SFMBT2: variants seen among roughly 807,000 people sequenced by gnomAD.
SFMBT2 encodes the protein Scm like with four mbt domains 2, also known as scm-like with four MBT domains protein 2.
Under a neutral mutation model 110.1 loss-of-function variants are expected in SFMBT2, and 38 were observed. The observed-to-expected ratio is 0.35, with a 90% confidence interval of 0.27 to 0.45. The LOEUF (loss-of-function observed/expected upper bound fraction) is 0.45, where lower values mean the gene tolerates loss of function less well. SFMBT2 is among the 20% of genes least tolerant of loss of function. The pLI is 1.00. For synonymous variants in SFMBT2, 425 were observed against 425.4 expected (o/e 1.00, Z 0.01); for missense variants, 1,011 against 1,094.9 (o/e 0.92, Z 1.08).
At chr10:7,207,124 C>T (rs1003040391) in intron 11 of SFMBT2, among the ~76,000 whole-genome samples, 5 of 152,072 alleles carry the variant, frequency 3.3e-5, no homozygotes, top group African/African-American at 9.7e-5. Flanking sequence ...ACTCAGGAGG[C>T]CGAGGCAGGA....
rs1334413314 is a variant in SFMBT2, at chr10:7,220,553, G to C, written c.1204-16C>G. 6.2e-7 allele frequency: 1 copy of C among 1,613,874 alleles called. No homozygotes were observed. Among genetic ancestry groups the C allele is most frequent in the South Asian group, 1.1e-5 (1 of 91,018 alleles). On this transcript the variant is annotated splice_polypyrimidine_tract_variant and intron_variant, in intron 10 of 20. Coordinates refer to ENST00000397167, the MANE Select transcript of SFMBT2 (RefSeq NM_001387889.1). ...TGAATGATGTCTGCAAGAGAAACGAGACCAACACTGAGCCAGTGCTGACGC... is the reference window on the plus strand; with the variant it reads ...TGAATGATGTCTGCAAGAGAAACGACACCAACACTGAGCCAGTGCTGACGC...
intron 1 of SFMBT2, among the ~76,000 whole-genome samples, chr10:7,409,643 G>GA (rs911294448): frequency 4.9e-4 from 72 of 146,606 alleles, no homozygotes; most frequent in South Asian, 1.3e-3. Context: ...TCTAACCACG[G>GA]AAAAAAAAAA....
chr10:7,358,353 A>ACATGGCCCTAGAACATCTG (rs1249343770), intron 4 of SFMBT2, among the ~76,000 whole-genome samples: 3 of 121,376 alleles, frequency 2.5e-5, no homozygotes, highest in African/African-American at 3.2e-5. Context: ...TGTGACATCA[A>ACATGGCCCTAGAACATCTG]CATGGCCCTA....
chr10:7,379,981 T>TAC (rs1308178944), intron 2 of SFMBT2, among the ~76,000 whole-genome samples: 1 of 152,196 alleles, frequency 6.6e-6, no homozygotes, highest in Non-Finnish European at 1.5e-5. Flanking sequence ...GAAAAGCCAA[T>TAC]ACACAGTTGG....
chr10:7,321,159 G>C (rs1161960475), intron 4 of SFMBT2, among the ~76,000 whole-genome samples: 4 of 151,418 alleles, frequency 2.6e-5, no homozygotes, highest in Non-Finnish European at 5.9e-5. Flanking sequence ...CTTTGAAAAG[G>C]AGAGGGTAAC....
intron 4 of SFMBT2, among the ~76,000 whole-genome samples, chr10:7,327,074 C>T (rs1433109641): frequency 6.7e-6 from 1 of 150,346 alleles, no homozygotes; most frequent in Non-Finnish European, 1.5e-5. Flanking sequence ...GCCCCCAGTG[C>T]TTCCCTTCAT....
chr10:7,395,942 A>G (rs1845914446), intron 1 of SFMBT2, among the ~76,000 whole-genome samples: 1 of 152,186 alleles, frequency 6.6e-6, no homozygotes. Flanking sequence ...AGGAAATTAA[A>G]AGGCTGACTG....
chr10:7,254,291 G>A (rs937325961), intron 7 of SFMBT2, among the ~76,000 whole-genome samples: 6 of 152,036 alleles, frequency 3.9e-5, no homozygotes, highest in South Asian at 2.1e-4. Context: ...CTGAGGCACC[G>A]CACAGGAGAC....
At chr10:7,329,457 T>C in intron 4 of SFMBT2, 1 of 985,426 alleles carries the variant, frequency 1.0e-6, no homozygotes, top group Non-Finnish European at 1.2e-6. Context: ...GTGAGGGAAC[T>C]GAGGAAATGT....
intron 10 of SFMBT2, among the ~76,000 whole-genome samples, chr10:7,222,032 T>C (rs1449232694): frequency 9.2e-5 from 14 of 152,270 alleles, no homozygotes; most frequent in Admixed American, 6.5e-4. Flanking sequence ...TTTTCCTGTA[T>C]AACTATAGTT....
intron 1 of SFMBT2, among the ~76,000 whole-genome samples, chr10:7,394,320 G>A (rs181453559): frequency 2.6e-5 from 4 of 151,890 alleles, no homozygotes; most frequent in African/African-American, 7.2e-5. Context: ...GTGCGTCGAT[G>A]CCCACCCCTA....
At chr10:7,288,979 C>T (rs900611816) in intron 4 of SFMBT2, among the ~76,000 whole-genome samples, 83 of 149,254 alleles carry the variant, frequency 5.6e-4, no homozygotes, top group Admixed American at 1.3e-3. Context: ...GGCGACAGAG[C>T]GAGACACTGT....
chr10:7,208,317 T>C (rs1476866331), intron 11 of SFMBT2, among the ~76,000 whole-genome samples: 1 of 152,210 alleles, frequency 6.6e-6, no homozygotes, highest in Non-Finnish European at 1.5e-5. Context: ...TCAAACATTT[T>C]GCTAACAGGT....
intron 2 of SFMBT2, among the ~76,000 whole-genome samples, chr10:7,379,774 C>G (rs1167357702): frequency 1.3e-5 from 2 of 152,204 alleles, no homozygotes; most frequent in Non-Finnish European, 2.9e-5. Flanking sequence ...AGGAACCAAT[C>G]ACAACATGAG....
chr10:7,285,604 T>C (rs1245192652), intron 5 of SFMBT2: 4 of 412,688 alleles, frequency 9.7e-6, no homozygotes, highest in East Asian at 4.7e-5. Context: ...GAAGACATCC[T>C]AGCATATTGT....
chr10:7,382,314 G>A (rs1845448718), intron 1 of SFMBT2, among the ~76,000 whole-genome samples: 1 of 152,124 alleles, frequency 6.6e-6, no homozygotes, highest in South Asian at 2.1e-4. Context: ...GGAGGCTGAG[G>A]CAGGAGAATC....
At position 7,393,007 on chromosome 10, in the gene SFMBT2, AT is replaced by A. The variant is rs1564472969; in HGVS notation, c.-51-11059del. Among the ~76,000 whole-genome samples, 60 of 75,564 alleles carry A rather than the reference AT, an allele frequency of 7.9e-4. 1 individual carries two copies. The highest frequency in any genetic ancestry group is 5.8e-3 in the African/African-American group (53 of 9,062). The allele number at this position is 75,564 out of a possible 152,430, so 49.6% of individuals were successfully genotyped here. A position where few individuals can be genotyped will look rare whatever the true frequency, so the allele number is the denominator to read the frequency against. On this transcript the variant is annotated intron_variant, in intron 1 of 20. Coordinates refer to ENST00000397167, the MANE Select transcript of SFMBT2 (RefSeq NM_001387889.1). ...ATTATATATATATATATATATATAT[AT>A]ATATATATATATATATATATATATA...
intron 1 of SFMBT2, among the ~76,000 whole-genome samples, chr10:7,393,758 G>A (rs992220262): frequency 2.0e-5 from 3 of 152,126 alleles, no homozygotes; most frequent in Non-Finnish European, 2.9e-5. Flanking sequence ...CCAACTACAC[G>A]GTGGAAGGGG....
intron 16 of SFMBT2, among the ~76,000 whole-genome samples, chr10:7,186,725 G>A (rs1314213583): frequency 6.6e-6 from 1 of 152,072 alleles, no homozygotes; most frequent in East Asian, 1.9e-4. Context: ...CCTCCCATTT[G>A]CACCAAAGAA....
Sources: allele counts gnomAD v4.1 joint callset (sites outside exome capture counted in the v4.1 genomes callset), GRCh38; gene constraint gnomAD v4.1.1; transcripts MANE v1.5; gene names NCBI Gene and HGNC (gene_info 2026-07-23, HGNC 2026-07-21).